The following RBM44 variants were observed in gnomAD, a reference collection of about 807,000 sequenced individuals.
RBM44 encodes the protein RNA binding motif protein 44, also known as RNA-binding protein 44.
RBM44 carries 66 observed loss-of-function variants against 105.1 expected under a neutral mutation model. That is an observed-to-expected ratio of 0.63 (90% CI 0.52 to 0.77). RBM44 has a LOEUF of 0.77. RBM44 is among the 30% of genes least tolerant of loss of function. RBM44 has a pLI of 0.00. For missense variants in RBM44, 1,122 were observed against 1,207.8 expected (o/e 0.93, Z 1.05); for synonymous variants, 365 against 417.6 (o/e 0.87, Z 1.54).
chr2:237,801,650 A>G (rs2061547339), intron 1 of RBM44, among the ~76,000 whole-genome samples: 1 of 152,178 alleles, frequency 6.6e-6, no homozygotes, highest in African/African-American at 2.4e-5. Flanking sequence ...TTTATACATA[A>G]TAACTCTAGT....
intron 13 of RBM44, among the ~76,000 whole-genome samples, chr2:237,831,319 C>A (rs1271314218): frequency 6.7e-6 from 1 of 149,726 alleles, no homozygotes; most frequent in Non-Finnish European, 1.5e-5. Flanking sequence ...CTCATTCTGT[C>A]GCCCAGGCTG....
At chr2:237,830,472 T>C (rs2061892559) in intron 13 of RBM44, among the ~76,000 whole-genome samples, 1 of 152,172 alleles carries the variant, frequency 6.6e-6, no homozygotes, top group Non-Finnish European at 1.5e-5. Flanking sequence ...GTATAATTTA[T>C]TAATTTTTTT....
At position 237,841,116 on chromosome 2, in the gene RBM44, A is replaced by G. The variant is rs189191970; in HGVS notation, c.*23-723A>G. ...ATCATTGTACCATAAAGACACATGC[A>G]TGTGCATATTTATCACAGCACTATT... On this transcript the variant is annotated intron_variant, in intron 15 of 15. Coordinates refer to ENST00000316997, the MANE Select transcript of RBM44 (RefSeq NM_001080504.3). The surrounding 1 kb of genome is among the most constrained non-coding windows in gnomAD (Gnocchi z 4.5). Among the ~76,000 whole-genome samples the G allele has an allele frequency of 1.3e-5, 2 of 152,270 alleles. No homozygotes were observed. Among genetic ancestry groups the G allele is most frequent in the African/African-American group, 2.4e-5 (1 of 41,476 alleles).
chr2:237,824,182 T>TAAAACTCTAGTAGTCATC, intron 9 of RBM44, 109 bp from the exon 10 acceptor site: 2 of 914,658 alleles, frequency 2.2e-6, no homozygotes, highest in East Asian at 5.9e-5. Context: ...GATTTATACA[T>TAAAACTCTAGTAGTCATC]AAAACTCTAG....
intron 1 of RBM44, among the ~76,000 whole-genome samples, chr2:237,808,210 T>C (rs1040484628): frequency 6.6e-6 from 1 of 152,114 alleles, no homozygotes; most frequent in Non-Finnish European, 1.5e-5. Context: ...CCTAGCACTT[T>C]GGGAGACTGA....
chr2:237,829,219 A>G lies in RBM44; in HGVS notation c.2603A>G (p.Tyr868Cys). 1 of 1,604,266 alleles carries G rather than the reference A, an allele frequency of 6.2e-7. No homozygotes were observed. The highest frequency in any genetic ancestry group is 8.5e-7 in the Non-Finnish European group (1 of 1,175,276). The change falls in exon 13 of 16, where the codon TAT (tyrosine) becomes TGT (cysteine). Residue 868 changes from tyrosine to cysteine, a missense_variant and splice_region_variant. By Grantham distance (194) the Tyr-to-Cys change is radical (BLOSUM62 -2). Transcript: ENST00000316997. ...ISIYDSTNYRYASLAFTKNSD... is the reference protein window; with the variant it reads ...ISIYDSTNYRCASLAFTKNSD... The stretch of plus-strand genomic sequence containing the variant: ...GGTTTTCTGCTCTTATGTTTTAGAT[A>G]TGCATCTCTTGCTTTTACAAAAAAC...
At chr2:237,829,027 T>G in intron 12 of RBM44, among the ~76,000 whole-genome samples, 190 bp from the exon 13 acceptor site, 1 of 152,170 alleles carries the variant, frequency 6.6e-6, no homozygotes, top group East Asian at 1.9e-4. Flanking sequence ...ATTTCCCATC[T>G]TTAACTTGGT....
intron 15 of RBM44, among the ~76,000 whole-genome samples, chr2:237,839,968 C>T (rs982015872): frequency 1.3e-5 from 2 of 152,038 alleles, no homozygotes; most frequent in Non-Finnish European, 2.9e-5. Flanking sequence ...GAAGGCAAAT[C>T]GCTTGATGCC....
At chr2:237,821,990 T>C (rs1380520606) in intron 8 of RBM44, among the ~76,000 whole-genome samples, 163 bp downstream of exon 8, 2 of 152,092 alleles carry the variant, frequency 1.3e-5, no homozygotes, top group Non-Finnish European at 2.9e-5. Context: ...TATATTTATG[T>C]CGAATCCTGA....
intron 13 of RBM44, 45 bp from the exon 14 acceptor site, chr2:237,833,952 A>G (rs1450705391): frequency 8.9e-7 from 1 of 1,118,912 alleles, no homozygotes; most frequent in East Asian, 2.6e-5. Context: ...TCTTTATGTA[A>G]TGGTCCTTAC....
rs149172058 is a variant in RBM44, at chr2:237,839,345, C to T, written c.*23-2494C>T. Among the ~76,000 whole-genome samples, 621 of 152,252 alleles carry T rather than the reference C, an allele frequency of 4.1e-3. 3 individuals are homozygous for T. The highest frequency in any genetic ancestry group is 0.014 in the African/African-American group (596 of 41,534). ...CTGGAGTACAATGGCGCGATCTCAG[C>T]TCACTGCAACCTCCACCTCCCAGAT... On this transcript the variant is annotated intron_variant, in intron 15 of 15. Transcript: ENST00000316997.
At chr2:237,805,289 G>A (rs902364874) in intron 1 of RBM44, among the ~76,000 whole-genome samples, 3 of 152,150 alleles carry the variant, frequency 2.0e-5, no homozygotes, top group Admixed American at 6.5e-5. Context: ...CCAGGGAGGT[G>A]AAAGATCTCT....
intron 15 of RBM44, among the ~76,000 whole-genome samples, chr2:237,838,896 A>G (rs1380634201): frequency 1.3e-5 from 2 of 152,242 alleles, no homozygotes; most frequent in African/African-American, 4.8e-5. Flanking sequence ...AGCTCATTAA[A>G]GACTCAGTGC....
intron 14 of RBM44, 59 bp from the exon 15 acceptor site, chr2:237,834,219 A>G: frequency 6.5e-7 from 1 of 1,530,242 alleles, no homozygotes; most frequent in Non-Finnish European, 8.8e-7. Flanking sequence ...ACTTAGATAT[A>G]TTCAGAATGT....
chr2:237,818,750 A>T lies in RBM44; in HGVS notation c.1678-151A>T, dbSNP rs574230205. 102 of 474,836 alleles carry T rather than the reference A, an allele frequency of 2.1e-4. No individual in the cohort carries two copies. Among genetic ancestry groups the T allele is most frequent in the Admixed American group, 3.0e-4 (7 of 23,522 alleles). 29.4% of individuals were successfully genotyped at this position (474,836 alleles called of 1,614,324 possible). A position where few individuals can be genotyped will look rare whatever the true frequency, so the allele number is the denominator to read the frequency against. ...AAGGGAGTAAATTAAAAAGTAAATT[A>T]AAAAAAAAAGACGTGTAAATTACCA... On this transcript the variant is annotated intron_variant, in intron 3 of 15. Transcript: ENST00000316997. The surrounding 1 kb of genome is among the most constrained non-coding windows in gnomAD (Gnocchi z 4.6).
At chr2:237,820,015 C>G (rs2061766508) in intron 4 of RBM44, among the ~76,000 whole-genome samples, 160 bp from the exon 5 acceptor site, 1 of 151,894 alleles carries the variant, frequency 6.6e-6, no homozygotes, top group South Asian at 2.1e-4. Flanking sequence ...TTCTTGTTTT[C>G]TGAAGTTGTT....
chr2:237,825,246 A>G (rs1046426800), intron 10 of RBM44, among the ~76,000 whole-genome samples: 22 of 151,970 alleles, frequency 1.4e-4, no homozygotes, highest in Admixed American at 3.9e-4. Flanking sequence ...TTTTTGAGAC[A>G]GAGTCTCGCT....
At position 237,842,539 on chromosome 2, in the gene RBM44, G is replaced by A. The variant is rs879914063; in HGVS notation, c.*723G>A. 6.6e-6 allele frequency: 1 copy of A among 151,952 alleles called. No homozygotes were observed. Among genetic ancestry groups the A allele is most frequent in the Non-Finnish European group, 1.5e-5 (1 of 67,926 alleles). The allele number at this position is 151,952 out of a possible 1,614,324, so 9.4% of individuals were successfully genotyped here. On this transcript the variant is annotated 3_prime_UTR_variant, in exon 16 of 16. Coordinates refer to ENST00000316997, the MANE Select transcript of RBM44 (RefSeq NM_001080504.3). ...ATTTTGTGAAAAGTTTTGTTGTATT[G>A]TTAGAACAATTTTCAAAGGCTGATT...
Position 237,817,559 on chromosome 2 carries a change from C to T in RBM44, c.640C>T (p.Pro214Ser). 3 of 1,609,864 alleles carry T rather than the reference C, an allele frequency of 1.9e-6. No individual in the cohort carries two copies. In the South Asian group the frequency reaches 3.3e-5, roughly 18 times the overall value. The change falls in exon 3 of 16, where the codon CCA (proline) becomes TCA (serine). Residue 214 changes from proline (P) to serine (S), a missense_variant. Physicochemically the swap from Pro to Ser is moderately conservative, Grantham distance 74. Around this residue, in one of 3 missense-constraint regions of RBM44, gnomAD observed 918 missense variants for 955.3 expected, o/e 0.96. Coordinates refer to ENST00000316997, the MANE Select transcript of RBM44 (RefSeq NM_001080504.3). ...AACAAAAGCATTAGATATATCTAAT[C>T]CAGAAGTTGTTGAATTAGGAAATTC... ...DQTKALDISN[P>S]EVVELGNSGY...
Sources: gnomAD v4.1 joint callset for allele counts (sites outside exome capture counted in the v4.1 genomes callset) on GRCh38, gnomAD v4.1.1 for gene constraint, gnomAD v4.1.1 regional missense constraint, Gnocchi (gnomAD v3.1) non-coding constraint, MANE v1.5 for transcripts, NCBI Gene and HGNC (gene_info 2026-07-23, HGNC 2026-07-21) for gene names.